SMYD3: variants seen among roughly 807,000 people sequenced by gnomAD.
The protein encoded by SMYD3 is histone-lysine N-methyltransferase SMYD3.
In SMYD3, 36 loss-of-function variants were observed where a neutral mutation model predicts 57.7. The observed-to-expected ratio is 0.62, with a 90% CI of 0.48 to 0.82. The LOEUF is 0.82. SMYD3 is among the 40% of genes least tolerant of loss of function. The pLI is 0.00. For missense variants in SMYD3, 515 were observed against 538.8 expected (o/e 0.96, Z 0.44); for synonymous variants, 211 against 195.0 (o/e 1.08, Z -0.68).
In SMYD3 at chr1:246,185,750, G is replaced by A. The variant is rs1056098461; in HGVS notation, c.531+141451C>T. Among the ~76,000 whole-genome samples, 9 of 152,254 alleles carry A rather than the reference G, an allele frequency of 5.9e-5. No individual in the cohort carries two copies. In the South Asian group the frequency reaches 1.0e-3, roughly 18 times the overall value. On this transcript the variant is annotated intron_variant, in intron 5 of 11. Transcript: ENST00000490107. ...GCTGGGATTACAGGCATGAGCCACCGTGCCTGGCTGGTAATTCCTTTTCAA... is the reference window on the plus strand; with the variant it reads ...GCTGGGATTACAGGCATGAGCCACCATGCCTGGCTGGTAATTCCTTTTCAA...
intron 5 of SMYD3, among the ~76,000 whole-genome samples, chr1:246,303,809 T>G (rs1419130692): frequency 1.3e-5 from 2 of 152,178 alleles, no homozygotes; most frequent in Non-Finnish European, 2.9e-5. Context: ...TTACAAAAAT[T>G]CAGTTTGTCC....
chr1:246,128,810 T>C (rs1186276519), intron 5 of SMYD3, among the ~76,000 whole-genome samples: 2 of 152,090 alleles, frequency 1.3e-5, no homozygotes, highest in African/African-American at 4.8e-5. Flanking sequence ...GGTTTTGTTT[T>C]GTTTTGCTTT....
intron 5 of SMYD3, among the ~76,000 whole-genome samples, chr1:246,154,208 G>A (rs2061986748): frequency 6.6e-6 from 1 of 152,194 alleles, no homozygotes. Flanking sequence ...AGGCTCCGAT[G>A]GCTTCATTGT....
rs560402708 is a variant in SMYD3 at position 246,252,266 on chromosome 1, C to T, written c.531+74935G>A. On this transcript the variant is annotated intron_variant, in intron 5 of 11. Coordinates refer to ENST00000490107, the MANE Select transcript of SMYD3 (RefSeq NM_001167740.2). Reference sequence around the variant, plus strand: ...TAGTAGGTGCCTCGGACACTGTGCCCGGCTTTAGTAGGTGCCTCAAACACT... The same window carrying T: ...TAGTAGGTGCCTCGGACACTGTGCCTGGCTTTAGTAGGTGCCTCAAACACT... Among the ~76,000 whole-genome samples, 175 of 151,798 alleles carry T rather than the reference C, an allele frequency of 1.2e-3. 1 individual carries two copies. The highest frequency in any genetic ancestry group is 4.0e-3 in the African/African-American group (167 of 41,312).
chr1:246,427,418 G>A (rs1445814443), intron 1 of SMYD3, among the ~76,000 whole-genome samples: 2 of 150,816 alleles, frequency 1.3e-5, no homozygotes, highest in Non-Finnish European at 3.0e-5. Flanking sequence ...TACTCGGGAG[G>A]CTGAGGCAGG....
intron 5 of SMYD3, among the ~76,000 whole-genome samples, chr1:246,230,597 C>T (rs1413320147): frequency 6.6e-6 from 1 of 152,152 alleles, no homozygotes; most frequent in Non-Finnish European, 1.5e-5. Context: ...GTAACTAGGA[C>T]TACAGTCGCA....
intron 10 of SMYD3, among the ~76,000 whole-genome samples, chr1:245,765,045 T>TGCACACACACACACACACACAC (rs144137711): frequency 1.5e-5 from 2 of 134,746 alleles, no homozygotes; most frequent in Admixed American, 8.0e-5. Flanking sequence ...TGGAAATGCC[T>TGCACACACACACACACACACAC]ACACACACAC....
chr1:246,352,878 T>G (rs1206698459), intron 2 of SMYD3, among the ~76,000 whole-genome samples: 1 of 152,202 alleles, frequency 6.6e-6, no homozygotes, highest in Non-Finnish European at 1.5e-5. Flanking sequence ...ATTAAGTGTT[T>G]TATTAATAAA....
At chr1:246,452,870 A>G (rs2039705) in intron 1 of SMYD3, among the ~76,000 whole-genome samples, 61,679 of 152,040 alleles carry the variant, frequency 0.41, 14,284 homozygotes, top group East Asian at 0.63. Context: ...TTACTGAAAC[A>G]CTAAAACAAT....
intron 5 of SMYD3, among the ~76,000 whole-genome samples, chr1:246,066,205 T>G (rs2060337617): frequency 6.6e-6 from 1 of 152,222 alleles, no homozygotes; most frequent in Non-Finnish European, 1.5e-5. Context: ...AGATTTGAAT[T>G]TTTAAGGCAA....
chr1:246,076,271 C>A (rs12078766), intron 5 of SMYD3, among the ~76,000 whole-genome samples: 22,205 of 152,156 alleles, frequency 0.15, 2,887 homozygotes, highest in African/African-American at 0.35. Context: ...TCACAATTCT[C>A]ACCCAGGAAA....
chr1:245,851,067 G>A (rs1176447490), intron 10 of SMYD3, among the ~76,000 whole-genome samples: 9 of 152,018 alleles, frequency 5.9e-5, no homozygotes, highest in East Asian at 1.9e-4. Flanking sequence ...AAAATCAATC[G>A]GGGACCTCCA....
chr1:245,806,916 CAAAAAAAAAAAAAAAAAA>C (rs112012738), intron 10 of SMYD3, among the ~76,000 whole-genome samples: 58 of 41,334 alleles, frequency 1.4e-3, no homozygotes, highest in African/African-American at 5.0e-3. Context: ...GACTCCGTCT[CAAAAAAAAAAAAAAAAAA>C]AAAAAAAAAA....
chr1:246,214,939 C>A (rs1248757014), intron 5 of SMYD3, among the ~76,000 whole-genome samples: 1 of 152,144 alleles, frequency 6.6e-6, no homozygotes, highest in Non-Finnish European at 1.5e-5. Context: ...TTTCCACTTT[C>A]TAGTAGGTAA....
Position 246,248,631 on chromosome 1 carries a change from C to CTTGT in SMYD3, c.531+78569_531+78570insACAA, listed in dbSNP as rs1309872022. Reference sequence around the variant, plus strand: ...GGCCAGTTATGCAAAAGCTCTCTGACTTTCCTTTTTTTTTTTTTTTTTTTT... The same window carrying CTTGT: ...GGCCAGTTATGCAAAAGCTCTCTGACTTGTTTTCCTTTTTTTTTTTTTTTTTTTT... On this transcript the variant is annotated intron_variant, in intron 5 of 11. Coordinates refer to ENST00000490107, the MANE Select transcript of SMYD3 (RefSeq NM_001167740.2). 1.1e-3 allele frequency among the ~76,000 whole-genome samples: 135 copies of CTTGT among 119,252 alleles called. 4 individuals carry two copies. Among genetic ancestry groups the CTTGT allele is most frequent in the South Asian group, 3.6e-3 (12 of 3,346 alleles). 78.2% of individuals were successfully genotyped at this position (119,252 alleles called of 152,430 possible). A position where few individuals can be genotyped will look rare whatever the true frequency, so the allele number is the denominator to read the frequency against.
At chr1:246,288,111 T>TA (rs2064609729) in intron 5 of SMYD3, among the ~76,000 whole-genome samples, 1 of 131,442 alleles carries the variant, frequency 7.6e-6, no homozygotes, top group Admixed American at 8.6e-5. Flanking sequence ...TTTCACTCTG[T>TA]CACCCAGGCT....
chr1:246,305,456 A>T (rs910372534), intron 5 of SMYD3, among the ~76,000 whole-genome samples: 12 of 152,198 alleles, frequency 7.9e-5, no homozygotes, highest in Non-Finnish European at 1.8e-4. Context: ...TAGAAAAAAA[A>T]GTTAATGGTC....
Position 246,362,803 on chromosome 1 carries a change from G to C in SMYD3, c.165-7709C>G, listed in dbSNP as rs574663335. On this transcript the variant is annotated intron_variant, in intron 1 of 11. Coordinates refer to ENST00000490107, the MANE Select transcript of SMYD3 (RefSeq NM_001167740.2). ...GGCTGGAGTGCAGTGGCGTGATCTC[G>C]GCTCGCTACAACCTCCACCTCCCAG... 2.0e-4 allele frequency among the ~76,000 whole-genome samples: 30 copies of C among 152,274 alleles called. No individual in the cohort carries two copies. The South Asian group carries it at 5.8e-3, about 29-fold the overall frequency.
intron 1 of SMYD3, among the ~76,000 whole-genome samples, chr1:246,401,641 T>A (rs577642361): frequency 3.0e-4 from 45 of 151,602 alleles, no homozygotes; most frequent in African/African-American, 8.9e-4. Flanking sequence ...CTTAAATTTT[T>A]AAAAATAAAA....
Sources: allele counts gnomAD v4.1 joint callset (sites outside exome capture counted in the v4.1 genomes callset), GRCh38; gene constraint gnomAD v4.1.1; transcripts MANE v1.5; gene names NCBI Gene and HGNC (gene_info 2026-07-23, HGNC 2026-07-21).